TRDN: variants seen among roughly 807,000 people sequenced by gnomAD.
TRDN encodes triadin in skeletal muscle.
In TRDN, 161 loss-of-function variants were observed where a neutral mutation model predicts 149.7. That is an observed-to-expected ratio of 1.08 (90% CI 0.95 to 1.23). The LOEUF (loss-of-function observed/expected upper bound fraction) is 1.23. TRDN is among the 50% of genes most tolerant of loss of function. The probability of loss-of-function intolerance (pLI) is 0.00; values close to 1 mark genes in which losing one functional copy is unlikely to be tolerated. For synonymous variants in TRDN, 294 were observed against 250.5 expected (o/e 1.17, Z -1.64); for missense variants, 896 against 823.5 (o/e 1.09, Z -1.08).
chr6:123,626,177 T>A (rs1271740458), intron 1 of TRDN, among the ~76,000 whole-genome samples: 1 of 152,090 alleles, frequency 6.6e-6, no homozygotes, highest in African/African-American at 2.4e-5. Context: ...CTCTCTTTGC[T>A]CATTCATAGA....
chr6:123,224,035 CA>C (rs1193503973), intron 39 of TRDN, 57 bp downstream of exon 39: 2 of 1,420,372 alleles, frequency 1.4e-6, no homozygotes, highest in African/African-American at 1.5e-5. Context: ...AAAAGACAGA[CA>C]AAAACCTTAT....
chr6:123,348,843 T>C (rs920339995), intron 21 of TRDN, among the ~76,000 whole-genome samples: 7 of 152,096 alleles, frequency 4.6e-5, no homozygotes, highest in Admixed American at 3.9e-4. Context: ...TTGTCTAGAA[T>C]GTCAAAGGGA....
intron 20 of TRDN, among the ~76,000 whole-genome samples, chr6:123,357,069 C>T (rs1246349655): frequency 6.6e-6 from 1 of 151,678 alleles, no homozygotes; most frequent in Non-Finnish European, 1.5e-5. Flanking sequence ...TTTTATTCCG[C>T]CTTTTTTCTT....
At chr6:123,234,920 C>T (rs1207877885) in intron 38 of TRDN, among the ~76,000 whole-genome samples, 2 of 151,928 alleles carry the variant, frequency 1.3e-5, no homozygotes, top group Non-Finnish European at 2.9e-5. Context: ...GGTGTAGAGG[C>T]TAGGATCGTT....
intron 38 of TRDN, 39 bp from the exon 39 acceptor site, chr6:123,224,170 T>A: frequency 6.3e-7 from 1 of 1,593,034 alleles, no homozygotes; most frequent in Non-Finnish European, 8.6e-7. Flanking sequence ...TCACAGTCAA[T>A]TTTTCAGTTT....
At chr6:123,344,286 C>T (rs1478641892) in intron 21 of TRDN, among the ~76,000 whole-genome samples, 1 of 151,998 alleles carries the variant, frequency 6.6e-6, no homozygotes, top group Non-Finnish European at 1.5e-5. Context: ...CTTTATCAAC[C>T]AAAGTCCATA....
chr6:123,311,871 A>G lies in TRDN; in HGVS notation c.1510+4586T>C, dbSNP rs188693376. ...GATGTATGACAGCGTCAATCAAAAA[A>G]ATCATGAAATAGACAGTAGATATGG... On this transcript the variant is annotated intron_variant, in intron 24 of 40. Coordinates refer to ENST00000334268, the MANE Select transcript of TRDN (RefSeq NM_006073.4). 1.6e-4 allele frequency among the ~76,000 whole-genome samples: 24 copies of G among 152,134 alleles called. No homozygotes were observed. The East Asian group carries it at 4.3e-3, about 27-fold the overall frequency.
Position 123,259,614 on chromosome 6 carries a change from T to A in TRDN, c.1870+10A>T. On this transcript the variant is annotated intron_variant, in intron 35 of 40. Coordinates refer to ENST00000334268, the MANE Select transcript of TRDN (RefSeq NM_006073.4). Reference sequence around the variant, plus strand: ...AATTTGATGTATATGTCTTAAAATGTCATTTTTACCTTTACTTTCTTTTTC... The same window carrying A: ...AATTTGATGTATATGTCTTAAAATGACATTTTTACCTTTACTTTCTTTTTC... 6.8e-7 allele frequency: 1 copy of A among 1,472,304 alleles called. No individual in the cohort carries two copies. The highest frequency in any genetic ancestry group is 2.0e-4 in the Middle Eastern group (1 of 5,010). 91.2% of individuals were successfully genotyped at this position (1,472,304 alleles called of 1,614,324 possible).
At chr6:123,466,538 T>C (rs1435877732) in intron 9 of TRDN, among the ~76,000 whole-genome samples, 2 of 151,524 alleles carry the variant, frequency 1.3e-5, no homozygotes, top group Non-Finnish European at 2.9e-5. Flanking sequence ...AACAGAAGGG[T>C]CATCTATCAG....
chr6:123,590,360 A>G (rs9388264), intron 1 of TRDN, among the ~76,000 whole-genome samples: 18,652 of 152,154 alleles, frequency 0.12, 1,250 homozygotes, highest in African/African-American at 0.17. Flanking sequence ...ACTGTCTCCA[A>G]TCGCCCCCAG....
chr6:123,266,961 G>C (rs867690034), intron 32 of TRDN, among the ~76,000 whole-genome samples: 1 of 148,446 alleles, frequency 6.7e-6, no homozygotes, highest in East Asian at 2.0e-4. Flanking sequence ...CAAAAAATTA[G>C]CTGGGCATGG....
chr6:123,430,539 G>A (rs552948725), intron 12 of TRDN, among the ~76,000 whole-genome samples: 142 of 151,904 alleles, frequency 9.3e-4, no homozygotes, highest in African/African-American at 3.2e-3. Flanking sequence ...CCGAGATCGC[G>A]CCACTGCACT....
rs9490796 is a variant in TRDN, at chr6:123,529,585, A to G, written c.484+921T>C. ...TTCACGTGCTAGTATAATTTAATTG[A>G]TACTTTTATTATTTGAAAATTTACT... On this transcript the variant is annotated intron_variant, in intron 5 of 40. Transcript: ENST00000334268. Among the ~76,000 whole-genome samples, 86,166 of 151,838 alleles carry G rather than the reference A, an allele frequency of 0.57. 25,308 individuals are homozygous for G. The highest frequency in any genetic ancestry group is 0.65 in the Non-Finnish European group (44,157 of 67,892).
Position 123,266,223 on chromosome 6 carries a change from GTATTATATATTATATATATTATAATATA to G in TRDN, c.1784-913_1784-886del, listed in dbSNP as rs1209010725. Among the ~76,000 whole-genome samples the G allele has an allele frequency of 6.5e-3, 406 of 62,282 alleles. 2 individuals are homozygous for G. Among genetic ancestry groups the G allele is most frequent in the Non-Finnish European group, 9.6e-3 (343 of 35,728 alleles). The allele number at this position is 62,282 out of a possible 152,430, so 40.9% of individuals were successfully genotyped here. A position where few individuals can be genotyped will look rare whatever the true frequency, so the allele number is the denominator to read the frequency against. The stretch of plus-strand genomic sequence containing the variant: ...TTATATATTATATATATTATAATAT[GTATTATATATTATATATATTATAATATA>G]TATTATATATTATATATAGTAATAT... On this transcript the variant is annotated intron_variant, in intron 32 of 40. Coordinates refer to ENST00000334268, the MANE Select transcript of TRDN (RefSeq NM_006073.4).
Position 123,497,183 on chromosome 6 carries a change from C to T in TRDN, c.853+10G>A, listed in dbSNP as rs1413118579. 3 of 1,536,758 alleles carry T rather than the reference C, an allele frequency of 2.0e-6. No individual in the cohort carries two copies. In the African/African-American group the frequency reaches 4.2e-5, roughly 22 times the overall value. ...TTAAAACAGACAAGTACAAGAATTG[C>T]TTGGAATACCTGGTTTTAAATCCCC... On this transcript the variant is annotated intron_variant, in intron 9 of 40. Transcript: ENST00000334268.
chr6:123,289,683 G>T (rs930714793), intron 24 of TRDN, among the ~76,000 whole-genome samples: 1 of 152,136 alleles, frequency 6.6e-6, no homozygotes. Flanking sequence ...TAATCTTCAT[G>T]CAATTGAAAG....
At position 123,569,608 on chromosome 6, in the gene TRDN, A is replaced by T. The variant is rs902454629; in HGVS notation, c.232+1315T>A. 3.7e-4 allele frequency among the ~76,000 whole-genome samples: 57 copies of T among 152,230 alleles called. 1 individual carries two copies. Among genetic ancestry groups the T allele is most frequent in the Admixed American group, 3.7e-3 (57 of 15,282 alleles). On this transcript the variant is annotated intron_variant, in intron 2 of 40. Transcript: ENST00000334268. ...TTATACAGGTTGTACAGGAATCATG[A>T]TGCTGGTGTCTTCTTGGATTCTGGG...
At chr6:123,535,755 T>C (rs1780496654) in intron 4 of TRDN, among the ~76,000 whole-genome samples, 1 of 152,196 alleles carries the variant, frequency 6.6e-6, no homozygotes. Context: ...ATTTTTAGAT[T>C]ATTCTTTATT....
chr6:123,536,092 T>C (rs1264332263), intron 4 of TRDN, among the ~76,000 whole-genome samples: 1 of 152,162 alleles, frequency 6.6e-6, no homozygotes, highest in Non-Finnish European at 1.5e-5. Flanking sequence ...GATAGGATTA[T>C]ATGGGGATTA....
Sources: gnomAD v4.1 joint callset for allele counts (sites outside exome capture counted in the v4.1 genomes callset) on GRCh38, gnomAD v4.1.1 for gene constraint, MANE v1.5 for transcripts, NCBI Gene and HGNC (gene_info 2026-07-23, HGNC 2026-07-21) for gene names.